Variants in CCDC102B observed in about 807,000 individuals in gnomAD.
The protein encoded by CCDC102B is coiled-coil domain containing 102B.
CCDC102B carries 75 observed loss-of-function variants against 57.4 expected under a neutral mutation model. That is an observed-to-expected ratio of 1.31 (90% confidence interval 1.08 to 1.58). The LOEUF (loss-of-function observed/expected upper bound fraction) is 1.58, where lower values mean the gene tolerates loss of function less well. CCDC102B is among the 40% of genes most tolerant of loss of function. The pLI is 0.00. For synonymous variants in CCDC102B, 206 were observed against 201.9 expected (o/e 1.02, Z -0.17); for missense variants, 636 against 582.6 (o/e 1.09, Z -0.94).
rs2040807381 is a variant in CCDC102B at position 68,910,673 on chromosome 18, A to G, written c.1263+13245A>G. Among the ~76,000 whole-genome samples, 5 of 152,336 alleles carry G rather than the reference A, an allele frequency of 3.3e-5. No homozygotes were observed. The South Asian group carries it at 1.0e-3, about 32-fold the overall frequency. ...AAAACAAGAATAGTTCTACTGTAGA[A>G]ATAGTTAATTCTTAGTTCTAGAATT... On this transcript the variant is annotated intron_variant, in intron 6 of 7. Transcript: ENST00000360242.
chr18:69,029,625 C>T (rs2052085645), intron 7 of CCDC102B, among the ~76,000 whole-genome samples: 2 of 152,114 alleles, frequency 1.3e-5, no homozygotes, highest in South Asian at 2.1e-4. Flanking sequence ...CTCTGGAGGT[C>T]CCAGAGGATA....
At chr18:68,751,319 C>G (rs1430021312) in intron 2 of CCDC102B, among the ~76,000 whole-genome samples, 3 of 151,846 alleles carry the variant, frequency 2.0e-5, no homozygotes, top group Non-Finnish European at 2.9e-5. Context: ...TTAAAGGCAC[C>G]TCACTTAATA....
At chr18:68,969,682 T>C (rs1487114802) in intron 6 of CCDC102B, among the ~76,000 whole-genome samples, 7 of 152,072 alleles carry the variant, frequency 4.6e-5, no homozygotes, top group African/African-American at 1.2e-4. Flanking sequence ...TTGTGTTTTT[T>C]TGTGTTATTT....
chr18:68,800,453 C>T (rs777554075), intron 1 of CCDC102B, among the ~76,000 whole-genome samples: 8 of 152,138 alleles, frequency 5.3e-5, no homozygotes, highest in East Asian at 1.9e-4. Flanking sequence ...AAGAGACTGA[C>T]GCTGCAAATA....
chr18:68,790,572 G>A (rs563954397), intron 2 of CCDC102B, among the ~76,000 whole-genome samples: 1 of 152,206 alleles, frequency 6.6e-6, no homozygotes, highest in African/African-American at 2.4e-5. Flanking sequence ...GCAGTATTCG[G>A]GTGGGAGTGA....
At chr18:68,915,425 T>TTTA (rs1302786156) in intron 6 of CCDC102B, among the ~76,000 whole-genome samples, 1 of 152,202 alleles carries the variant, frequency 6.6e-6, no homozygotes, top group Non-Finnish European at 1.5e-5. Context: ...AAATATATGG[T>TTTA]TTATTTGGCA....
At chr18:68,786,064 A>G (rs2035197568) in intron 2 of CCDC102B, among the ~76,000 whole-genome samples, 1 of 150,728 alleles carries the variant, frequency 6.6e-6, no homozygotes, top group Non-Finnish European at 1.5e-5. Flanking sequence ...CAGTTTTCCC[A>G]GCACCATTTA....
At chr18:68,850,959 C>T (rs970873992) in intron 4 of CCDC102B, among the ~76,000 whole-genome samples, 3 of 152,010 alleles carry the variant, frequency 2.0e-5, no homozygotes, top group South Asian at 2.1e-4. Context: ...CAAAGCAACA[C>T]GTAATATTTT....
intron 6 of CCDC102B, among the ~76,000 whole-genome samples, chr18:69,008,764 G>T (rs2051420681): frequency 6.6e-6 from 1 of 152,200 alleles, no homozygotes. Flanking sequence ...CCAAGAGCCT[G>T]CGACTAATCA....
intron 6 of CCDC102B, among the ~76,000 whole-genome samples, chr18:68,964,203 T>C (rs1181162289): frequency 6.6e-6 from 1 of 151,940 alleles, no homozygotes; most frequent in Non-Finnish European, 1.5e-5. Flanking sequence ...TTGCAGTACA[T>C]TCTGGGATAG....
At chr18:68,886,870 A>G (rs80169538) in intron 5 of CCDC102B, among the ~76,000 whole-genome samples, 1,781 of 152,032 alleles carry the variant, frequency 0.012, 37 homozygotes, top group East Asian at 0.081. Flanking sequence ...CAGCAAAGTG[A>G]TTCTATATTC....
intron 5 of CCDC102B, among the ~76,000 whole-genome samples, chr18:68,885,802 T>C (rs2039863256): frequency 6.6e-6 from 1 of 151,966 alleles, no homozygotes; most frequent in South Asian, 2.1e-4. Flanking sequence ...TACAAGAGTA[T>C]TTCCAGGATT....
At chr18:68,729,584 G>C (rs1445695196) in intron 2 of CCDC102B, among the ~76,000 whole-genome samples, 1 of 152,162 alleles carries the variant, frequency 6.6e-6, no homozygotes, top group Non-Finnish European at 1.5e-5. Context: ...AATGTACTCA[G>C]ACAATTTTAA....
chr18:68,845,654 TCAGA>T (rs1382590267), intron 3 of CCDC102B, among the ~76,000 whole-genome samples: 2 of 151,806 alleles, frequency 1.3e-5, no homozygotes, highest in African/African-American at 4.8e-5. Context: ...TATCAATGAC[TCAGA>T]CATTGTGGGC....
intron 4 of CCDC102B, among the ~76,000 whole-genome samples, chr18:68,856,244 A>AT (rs928085336): frequency 7.2e-5 from 11 of 152,086 alleles, no homozygotes; most frequent in Non-Finnish European, 1.3e-4. Context: ...TTAAAACTCT[A>AT]TTTTTTCTAT....
intron 4 of CCDC102B, among the ~76,000 whole-genome samples, chr18:68,863,907 C>T (rs569741521): frequency 6.6e-6 from 1 of 151,962 alleles, no homozygotes; most frequent in Non-Finnish European, 1.5e-5. Context: ...ATAGGTTTCT[C>T]ACTTCATAGA....
At chr18:68,955,295 G>A (rs1050309885) in intron 6 of CCDC102B, among the ~76,000 whole-genome samples, 2 of 152,068 alleles carry the variant, frequency 1.3e-5, no homozygotes, top group African/African-American at 4.8e-5. Flanking sequence ...AATCACACTT[G>A]CCGCCATCCA....
intron 6 of CCDC102B, among the ~76,000 whole-genome samples, chr18:68,933,301 TG>T (rs1223457123): frequency 6.6e-6 from 1 of 151,914 alleles, no homozygotes; most frequent in African/African-American, 2.4e-5. Context: ...AAAATGCCCA[TG>T]TTTCTTTTTG....
intron 2 of CCDC102B, among the ~76,000 whole-genome samples, chr18:68,770,126 T>G (rs1274789004): frequency 6.6e-6 from 1 of 152,222 alleles, no homozygotes; most frequent in Admixed American, 6.5e-5. Flanking sequence ...TTTGATCAGA[T>G]GACTATAGTG....
Sources: gnomAD v4.1 joint callset for allele counts (sites outside exome capture counted in the v4.1 genomes callset) on GRCh38, gnomAD v4.1.1 for gene constraint, MANE v1.5 for transcripts, NCBI Gene and HGNC (gene_info 2026-07-23, HGNC 2026-07-21) for gene names.